The following FKBP11 variants were observed in gnomAD, a reference collection of about 807,000 sequenced individuals.
FKBP11 encodes peptidyl-prolyl cis-trans isomerase FKBP11.
Under a neutral mutation model 24.7 loss-of-function variants are expected in FKBP11, and 21 were observed. That is an observed-to-expected ratio of 0.85 (90% confidence interval 0.60 to 1.23). The LOEUF (loss-of-function observed/expected upper bound fraction) is 1.23. Ranked by LOEUF, FKBP11 falls within the 50% of genes most tolerant of loss-of-function variation. The pLI is 0.00. For synonymous variants in FKBP11, 106 were observed against 100.6 expected (o/e 1.05, Z -0.32); for missense variants, 245 against 248.7 (o/e 0.99, Z 0.10).
upstream of FKBP11, among the ~76,000 whole-genome samples, chr12:48,926,912 C>T (rs1423800321): frequency 6.6e-6 from 1 of 152,270 alleles, no homozygotes; most frequent in Non-Finnish European, 1.5e-5. Context: ...CGGGTTCAAG[C>T]GATTCTTTTC....
upstream of FKBP11, chr12:48,931,401 A>T (rs571416846): frequency 1.0e-5 from 16 of 1,535,652 alleles, no homozygotes; most frequent in African/African-American, 2.1e-4. Flanking sequence ...TAAACACAAT[A>T]TCCACCCACA....
chr12:48,935,819 A>G, the FKBP11 span: 1 of 152,226 alleles, frequency 6.6e-6, no homozygotes, highest in Non-Finnish European at 1.5e-5. Context: ...TGCAAGGCTG[A>G]GGAGATCTGA....
At chr12:48,937,609 G>A in the FKBP11 span, 1 of 152,430 alleles carries the variant, frequency 6.6e-6, no homozygotes, top group African/African-American at 2.4e-5. Context: ...GGATGGCAGG[G>A]GCATGGAGGG....
the FKBP11 span, chr12:48,938,868 AG>A: frequency 2.6e-6 from 4 of 1,536,450 alleles, no homozygotes; most frequent in South Asian, 5.0e-5. Flanking sequence ...TTGCATGGAG[AG>A]GAAGGGGTAG....
Position 48,921,964 on chromosome 12 carries a change from T to G in FKBP11, c.*20A>C. The G allele has an allele frequency of 6.5e-6, 10 of 1,532,622 alleles. No individual in the cohort carries two copies. Among genetic ancestry groups the G allele is most frequent in the Non-Finnish European group, 8.8e-6 (10 of 1,141,442 alleles). The allele number at this position is 1,532,622 out of a possible 1,614,324, so 94.9% of individuals were successfully genotyped here. A position where few individuals can be genotyped will look rare whatever the true frequency, so the allele number is the denominator to read the frequency against. On this transcript the variant is annotated 3_prime_UTR_variant, in exon 6 of 6. Coordinates refer to ENST00000550765, the MANE Select transcript of FKBP11 (RefSeq NM_016594.3). ...TATCAGATGAAGAATGCAAATAAGT[T>G]TTTTAAAATTTATTATTTATTATTT...
chr12:48,922,769 G>GAGGT, intron 5 of FKBP11: 1 of 1,001,346 alleles, frequency 1.0e-6, no homozygotes, highest in Non-Finnish European at 1.2e-6. Context: ...TGGGAATGGG[G>GAGGT]AGGTAATAGG....
upstream of FKBP11, chr12:48,931,423 C>T (rs993598063): frequency 1.3e-6 from 2 of 1,536,002 alleles, no homozygotes; most frequent in Non-Finnish European, 1.7e-6. Context: ...GCAGCACAAG[C>T]CCATCTGCAC....
At chr12:48,924,902 T>C in intron 2 of FKBP11, 144 bp downstream of exon 2, 5 of 1,440,734 alleles carry the variant, frequency 3.5e-6, no homozygotes, top group Non-Finnish European at 4.5e-6. Flanking sequence ...GAGCAACGTC[T>C]CTCCCCTCGC....
the FKBP11 span, chr12:48,938,985 G>A: frequency 2.5e-6 from 4 of 1,612,792 alleles, no homozygotes; most frequent in African/African-American, 2.7e-5. Flanking sequence ...AGCCAGTCCA[G>A]GCCTTCGTAC....
upstream of FKBP11, among the ~76,000 whole-genome samples, chr12:48,927,624 T>A (rs1939995368): frequency 1.3e-5 from 2 of 152,214 alleles, no homozygotes; most frequent in African/African-American, 4.8e-5. Flanking sequence ...TTGGAAGTAT[T>A]GTCCTGGACT....
the FKBP11 span, among the ~76,000 whole-genome samples, chr12:48,933,081 G>A: frequency 1.3e-5 from 2 of 152,190 alleles, no homozygotes; most frequent in Non-Finnish European, 2.9e-5. Context: ...TTCAAGCCTT[G>A]ATGGTGAATG....
At chr12:48,935,190 T>G in the FKBP11 span, among the ~76,000 whole-genome samples, 1 of 152,040 alleles carries the variant, frequency 6.6e-6, no homozygotes, top group African/African-American at 2.4e-5. Flanking sequence ...TGATAAGACA[T>G]GTCTGGTTGG....
At chr12:48,927,848 C>A (rs1347314657), upstream of FKBP11, among the ~76,000 whole-genome samples, 1 of 152,030 alleles carries the variant, frequency 6.6e-6, no homozygotes, top group Non-Finnish European at 1.5e-5. Flanking sequence ...TTGTTAATTG[C>A]AGAGCCACCA....
intron 5 of FKBP11, chr12:48,922,512 A>G: frequency 9.9e-7 from 1 of 1,009,764 alleles, no homozygotes; most frequent in Non-Finnish European, 1.2e-6. Flanking sequence ...AACCCTCTAT[A>G]CTAACTACTA....
chr12:48,922,486 C>A, intron 5 of FKBP11: 1 of 960,940 alleles, frequency 1.0e-6, no homozygotes, highest in Non-Finnish European at 1.3e-6. Flanking sequence ...GGCTCTTCTC[C>A]ATTTGTAAGT....
the FKBP11 span, among the ~76,000 whole-genome samples, chr12:48,935,018 C>CAAAAAA: frequency 5.7e-5 from 5 of 87,520 alleles, no homozygotes; most frequent in African/African-American, 9.6e-5. Context: ...AATTCCGTCT[C>CAAAAAA]AAAAAAAAAA....
chr12:48,925,100 TGG>T lies in FKBP11; in HGVS notation c.139_140del (p.Pro47ArgfsTer28), dbSNP rs1166358809. ...AAGCAGCGGGCTCGGCACATGGTTC[TGG>T]GGGCTCCACCTACGATCGGACTACA... Reference protein sequence around the residue: ...TLQVETLVEPPEPCAEPAAFG... With the variant: ...TLQVETLVEPXEPCAEPAAFG... On this transcript the variant is annotated frameshift_variant, in exon 2 of 6. Coordinates refer to ENST00000550765, the MANE Select transcript of FKBP11 (RefSeq NM_016594.3). LOFTEE classifies it high-confidence loss of function. 1 of 1,613,408 alleles carries T rather than the reference TGG, an allele frequency of 6.2e-7. No individual in the cohort carries two copies. Among genetic ancestry groups the T allele is most frequent in the Non-Finnish European group, 8.5e-7 (1 of 1,179,776 alleles).
the FKBP11 span, chr12:48,938,418 C>T: frequency 8.8e-6 from 4 of 454,214 alleles, no homozygotes; most frequent in Non-Finnish European, 1.3e-5. Flanking sequence ...AGCTTCACTC[C>T]ACCCCCTCCC....
At chr12:48,924,057 G>A in intron 4 of FKBP11, 166 bp downstream of exon 4, 1 of 899,848 alleles carries the variant, frequency 1.1e-6, no homozygotes, top group Non-Finnish European at 1.8e-6. Context: ...CAGCGCAAGA[G>A]GCACAGAGGC....
Sources: gnomAD v4.1 joint callset for allele counts (sites outside exome capture counted in the v4.1 genomes callset) on GRCh38, gnomAD v4.1.1 for gene constraint, MANE v1.5 for transcripts, NCBI Gene and HGNC (gene_info 2026-07-23, HGNC 2026-07-21) for gene names.